Variants in MYO5A observed in about 807,000 individuals in gnomAD.
The protein encoded by MYO5A is unconventional myosin-Va.
MYO5A carries 98 observed loss-of-function variants against 249.7 expected under a neutral mutation model. The ratio of observed to expected loss-of-function variants is 0.39; its 90% CI spans 0.33 to 0.46. The LOEUF is 0.46. Ranked by LOEUF, MYO5A falls within the 20% of genes least tolerant of loss-of-function variation. The pLI, the probability that MYO5A is intolerant of heterozygous loss-of-function variation, is 0.98. For synonymous variants in MYO5A, 778 were observed against 810.6 expected, an observed-to-expected ratio of 0.96 and a Z score of 0.68; for missense variants, 1,696 against 2,308.8, an observed-to-expected ratio of 0.73 and a Z score of 5.44.
At chr15:52,384,581 C>A (rs2041898449) in intron 14 of MYO5A, among the ~76,000 whole-genome samples, 1 of 152,170 alleles carries the variant, frequency 6.6e-6, no homozygotes, top group Non-Finnish European at 1.5e-5. Context: ...TGCACCCGGA[C>A]TTGAAAACCT....
chr15:52,309,026 A>AGGCGCCCAGTGACAGCCCTCAGAT lies in MYO5A; in HGVS notation c.*4669_*4670insATCTGAGGGCTGTCACTGGGCGCC, dbSNP rs2037700399. On this transcript the variant is annotated 3_prime_UTR_variant, in exon 42 of 42. Transcript: ENST00000399233. The stretch of plus-strand genomic sequence containing the variant: ...GGCCTGCCCAGTGACAGCCCTCGGA[A>AGGCGCCCAGTGACAGCCCTCAGAT]GGCACCCAGTGACTTGGGCTCCCCT... The AGGCGCCCAGTGACAGCCCTCAGAT allele has an allele frequency of 6.6e-6, 1 of 152,392 alleles. No individual in the cohort carries two copies. The allele number at this position is 152,392 out of a possible 1,614,324, so 9.4% of individuals were successfully genotyped here.
At chr15:52,360,253 A>G (rs1277718914) in intron 24 of MYO5A, among the ~76,000 whole-genome samples, 172 bp from the exon 25 acceptor site, 1 of 152,222 alleles carries the variant, frequency 6.6e-6, no homozygotes, top group African/African-American at 2.4e-5. Context: ...TCACCGCTTC[A>G]AAGAAAAAGG....
chr15:52,483,472 G>A (rs2076756013), intron 1 of MYO5A, among the ~76,000 whole-genome samples: 1 of 152,044 alleles, frequency 6.6e-6, no homozygotes, highest in Non-Finnish European at 1.5e-5. Flanking sequence ...TTCAGGAGTA[G>A]GGAAGAGAAA....
At chr15:52,409,645 C>T (rs1233039533) in intron 6 of MYO5A, among the ~76,000 whole-genome samples, 1 of 152,130 alleles carries the variant, frequency 6.6e-6, no homozygotes, top group African/African-American at 2.4e-5. Flanking sequence ...GCAGTTGAGG[C>T]TAATGAAACC....
At chr15:52,402,861 AAAAACAAAAAACAAAACAAAAC>A (rs1035151610) in intron 9 of MYO5A, among the ~76,000 whole-genome samples, 3 of 152,152 alleles carry the variant, frequency 2.0e-5, no homozygotes, top group African/African-American at 7.2e-5. Context: ...AAAAAAACAA[AAAAACAAAAAACAAAACAAAAC>A]AAAACAAAAA....
chr15:52,465,680 A>T (rs1414810050), intron 1 of MYO5A, among the ~76,000 whole-genome samples: 1 of 152,184 alleles, frequency 6.6e-6, no homozygotes, highest in Non-Finnish European at 1.5e-5. Flanking sequence ...GAATAAATTT[A>T]AAAAGACTTT....
At chr15:52,511,280 T>TA (rs2077384499) in intron 1 of MYO5A, among the ~76,000 whole-genome samples, 1 of 152,220 alleles carries the variant, frequency 6.6e-6, no homozygotes, top group South Asian at 2.1e-4. Context: ...AACATTTAAT[T>TA]ACGGAATCTG....
intron 14 of MYO5A, among the ~76,000 whole-genome samples, chr15:52,384,708 A>C (rs539446919): frequency 6.3e-4 from 96 of 152,340 alleles, no homozygotes; most frequent in Non-Finnish European, 9.4e-4. Flanking sequence ...TTTTAGCATC[A>C]GGTGGAGAAA....
chr15:52,379,846 A>G lies in MYO5A; in HGVS notation c.2075T>C (p.Ile692Thr), dbSNP rs1442744535. The G allele has an allele frequency of 6.2e-7, 1 of 1,614,130 alleles. No homozygotes were observed. The highest frequency in any genetic ancestry group is 8.5e-7 in the Non-Finnish European group (1 of 1,180,010). Reference sequence around the variant, plus strand: ...CCGTGAGGGGAAACCGGCCGCACTGATTCGGATGGTTTCCAGGACACCACA... The same window carrying G: ...CCGTGAGGGGAAACCGGCCGCACTGGTTCGGATGGTTTCCAGGACACCACA... ...RACGVLETIR[I>T]SAAGFPSRWT... The change falls in exon 17 of 42, where the codon ATC becomes ACC. Residue 692 changes from isoleucine to threonine, a missense_variant. Ile to Thr is a moderately conservative substitution (Grantham distance 89, BLOSUM62 -1). Transcript: ENST00000399233.
At chr15:52,410,864 C>T (rs899632448) in intron 5 of MYO5A, among the ~76,000 whole-genome samples, 1 of 152,214 alleles carries the variant, frequency 6.6e-6, no homozygotes, top group Non-Finnish European at 1.5e-5. Context: ...GCGTGAGCCA[C>T]CACACCTGGC....
At chr15:52,316,231 C>CTCAA (rs2038005237) in intron 40 of MYO5A, among the ~76,000 whole-genome samples, 1 of 34,420 alleles carries the variant, frequency 2.9e-5, no homozygotes, top group African/African-American at 1.4e-4. Flanking sequence ...GAGACTCCGT[C>CTCAA]ACAAAAAAAA....
At chr15:52,499,483 AC>A (rs1350856999) in intron 1 of MYO5A, among the ~76,000 whole-genome samples, 3 of 152,160 alleles carry the variant, frequency 2.0e-5, no homozygotes, top group Non-Finnish European at 4.4e-5. Flanking sequence ...CATTAAATGA[AC>A]GCCCCATTTT....
intron 2 of MYO5A, among the ~76,000 whole-genome samples, chr15:52,431,405 T>C (rs1033390545): frequency 6.6e-6 from 1 of 151,706 alleles, no homozygotes; most frequent in Admixed American, 6.6e-5. Context: ...TACAAACACA[T>C]ACATACATAT....
chr15:52,344,911 T>C (rs146378963), intron 30 of MYO5A, among the ~76,000 whole-genome samples: 32 of 152,346 alleles, frequency 2.1e-4, no homozygotes, highest in Admixed American at 6.5e-4. Context: ...TGGAAGAACA[T>C]TGTGATACAA....
In MYO5A at chr15:52,334,336, T is replaced by C. The variant is rs560330597; in HGVS notation, c.4408+2127A>G. 2.0e-5 allele frequency among the ~76,000 whole-genome samples: 3 copies of C among 152,346 alleles called. No homozygotes were observed. In the South Asian group the frequency reaches 6.2e-4, roughly 32 times the overall value. On this transcript the variant is annotated intron_variant, in intron 34 of 41. Transcript: ENST00000399233. ...ACATGTTAATACACTTAAAATCTGT[T>C]TTTTTCAAACAAATACTCTGCTGTC...
At chr15:52,437,142 T>G (rs2075681591) in intron 1 of MYO5A, among the ~76,000 whole-genome samples, 1 of 152,224 alleles carries the variant, frequency 6.6e-6, no homozygotes, top group Admixed American at 6.5e-5. Context: ...GTCCATAAAC[T>G]GAGTAATATC....
chr15:52,400,898 T>A (rs1226869234), intron 9 of MYO5A, among the ~76,000 whole-genome samples: 1 of 152,202 alleles, frequency 6.6e-6, no homozygotes, highest in Non-Finnish European at 1.5e-5. Context: ...ACTATTATTA[T>A]TCTAATTAAT....
intron 1 of MYO5A, among the ~76,000 whole-genome samples, chr15:52,519,874 G>C (rs143261606): frequency 0.015 from 2,296 of 151,964 alleles, 59 homozygotes; most frequent in Non-Finnish European, 0.017. Flanking sequence ...GGGATTACAG[G>C]CACACGCCAC....
chr15:52,520,847 G>C (rs1329108598), intron 1 of MYO5A, among the ~76,000 whole-genome samples: 2 of 152,078 alleles, frequency 1.3e-5, no homozygotes, highest in African/African-American at 4.8e-5. Context: ...ATTTAAAATG[G>C]CATATATTGA....
Sources: allele counts gnomAD v4.1 joint callset (sites outside exome capture counted in the v4.1 genomes callset), GRCh38; gene constraint gnomAD v4.1.1; transcripts MANE v1.5; gene names NCBI Gene and HGNC (gene_info 2026-07-23, HGNC 2026-07-21).